NIT1: variants seen among roughly 807,000 people sequenced by gnomAD.
NIT1 encodes the protein deaminated glutathione amidase.
In NIT1, 30 loss-of-function variants were observed where a neutral mutation model predicts 36.8. The ratio of observed to expected loss-of-function variants is 0.82; its 90% CI spans 0.61 to 1.11. NIT1 has a LOEUF of 1.11. Among genes scored for constraint, NIT1 ranks in the 50% least tolerant of loss-of-function variants. The pLI, the probability that NIT1 is intolerant of heterozygous loss-of-function variation, is 0.00. For missense variants in NIT1, 438 were observed against 410.6 expected (o/e 1.07, Z -0.58); for synonymous variants, 151 against 155.6 (o/e 0.97, Z 0.22).
downstream of NIT1, chr1:161,122,157 G>A (rs1284448276): frequency 6.2e-7 from 1 of 1,613,212 alleles, no homozygotes; most frequent in East Asian, 2.2e-5. This position sits in a 1 kb window ranked among gnomAD's most constrained non-coding sequence, Gnocchi z 4.2. Context: ...TCAGGGCAAT[G>A]CTTGCAGCAT....
chr1:161,120,902 C>T lies in NIT1; in HGVS notation c.*137C>T, dbSNP rs1655421729. 6.9e-7 allele frequency: 1 copy of T among 1,439,178 alleles called. No homozygotes were observed. The highest frequency in any genetic ancestry group is 1.4e-5 in the African/African-American group (1 of 70,004). The allele number at this position is 1,439,178 out of a possible 1,614,324, so 89.2% of individuals were successfully genotyped here. ...GAACCTTGACTCTCTTGATGGAACACAGATGGGCTGCTTGGGAAAGAAACT... is the reference window on the plus strand; with the variant it reads ...GAACCTTGACTCTCTTGATGGAACATAGATGGGCTGCTTGGGAAAGAAACT... On this transcript the variant is annotated 3_prime_UTR_variant, in exon 7 of 7. Coordinates refer to ENST00000368009, the MANE Select transcript of NIT1 (RefSeq NM_005600.3).
downstream of NIT1, among the ~76,000 whole-genome samples, chr1:161,123,445 C>T (rs1655761623): frequency 6.6e-6 from 1 of 152,094 alleles, no homozygotes; most frequent in South Asian, 2.1e-4. Flanking sequence ...CGAGACCATC[C>T]TGGCTAACAC....
At chr1:161,123,690 A>C (rs1388948213), downstream of NIT1, 9 of 668,696 alleles carry the variant, frequency 1.3e-5, no homozygotes, top group Non-Finnish European at 2.0e-5. Flanking sequence ...GACCTAGGAG[A>C]AATGTCACCT....
At chr1:161,122,814 A>G (rs1024761861), downstream of NIT1, among the ~76,000 whole-genome samples, 3 of 152,204 alleles carry the variant, frequency 2.0e-5, no homozygotes, top group Admixed American at 6.5e-5. This position sits in a 1 kb window ranked among gnomAD's most constrained non-coding sequence, Gnocchi z 4.2. Context: ...GTTCATTTTA[A>G]TACTCGACTT....
downstream of NIT1, chr1:161,122,499 T>G (rs761020116): frequency 6.2e-7 from 1 of 1,614,034 alleles, no homozygotes; most frequent in East Asian, 2.2e-5. The surrounding 1 kb of genome is among the most constrained non-coding windows in gnomAD (Gnocchi z 4.2). Context: ...CTGGCAGTAT[T>G]CAGCCCGAAC....
downstream of NIT1, chr1:161,121,868 G>A (rs1022178020): frequency 1.0e-5 from 4 of 387,284 alleles, no homozygotes. Context: ...TGTAGACTTT[G>A]CTTCTTCCTA....
downstream of NIT1, chr1:161,124,178 G>A (rs775878319): frequency 9.3e-6 from 15 of 1,613,980 alleles, no homozygotes; most frequent in African/African-American, 5.3e-5. Context: ...GCAGCAGGTC[G>A]TGGCGAGTGA....
chr1:161,123,043 G>C (rs1398502039), downstream of NIT1: 2 of 1,614,168 alleles, frequency 1.2e-6, no homozygotes. Flanking sequence ...CTTCAAGTCT[G>C]CTCCATCTCT....
At position 161,118,598 on chromosome 1, in the gene NIT1, T is replaced by C. The variant is rs1012637413; in HGVS notation, c.3-188T>C. 1.4e-5 allele frequency: 22 copies of C among 1,535,544 alleles called. No individual in the cohort carries two copies. In the African/African-American group the frequency reaches 2.9e-4, roughly 20 times the overall value. On this transcript the variant is annotated intron_variant, in intron 1 of 6. Transcript: ENST00000368009. ...CTATTCAGGCGGCGAGCAGAGCCCC[T>C]TTCTCCATCTTCCCACTGTATGGTC...
chr1:161,122,024 TAAAAAA>T (rs34197267), downstream of NIT1: 37 of 1,068,446 alleles, frequency 3.5e-5, no homozygotes, highest in Non-Finnish European at 4.5e-5. This position sits in a 1 kb window ranked among gnomAD's most constrained non-coding sequence, Gnocchi z 4.2. Flanking sequence ...TCTTTTTCTT[TAAAAAA>T]AAAAAAAAAA....
chr1:161,121,240 G>A (rs1480250124), downstream of NIT1: 3 of 954,410 alleles, frequency 3.1e-6, no homozygotes, highest in Non-Finnish European at 3.8e-6. Context: ...GTGGGCGTAG[G>A]AGTGGAGGAG....
At position 161,120,984 on chromosome 1, in the gene NIT1, T is replaced by C. The variant is rs1161159761; in HGVS notation, c.*219T>C. Reference sequence around the variant, plus strand: ...AGTTTCAGAAAGGTGGAATTTTATATAGTCATTGTTTATTTCATGGAAACT... The same window carrying C: ...AGTTTCAGAAAGGTGGAATTTTATACAGTCATTGTTTATTTCATGGAAACT... On this transcript the variant is annotated 3_prime_UTR_variant, in exon 7 of 7. Transcript: ENST00000368009. 4.3e-6 allele frequency: 6 copies of C among 1,408,584 alleles called. No individual in the cohort carries two copies. The highest frequency in any genetic ancestry group is 4.6e-6 in the Non-Finnish European group (5 of 1,084,580). 87.3% of individuals were successfully genotyped at this position (1,408,584 alleles called of 1,614,324 possible).
rs1571197165 is a variant in NIT1 at position 161,118,639 on chromosome 1, T to C, written c.3-147T>C. 3 of 1,522,774 alleles carry C rather than the reference T, an allele frequency of 2.0e-6. No individual in the cohort carries two copies. In the East Asian group the frequency reaches 7.3e-5, roughly 37 times the overall value. 94.3% of individuals were successfully genotyped at this position (1,522,774 alleles called of 1,614,324 possible). ...CTGTATGGTCTTGTCCCTTAGCCTA[T>C]AATTTCTTATAAAGAGCGTTTTGAA... On this transcript the variant is annotated intron_variant, in intron 1 of 6. Coordinates refer to ENST00000368009, the MANE Select transcript of NIT1 (RefSeq NM_005600.3).
In NIT1 at chr1:161,119,405, G is replaced by T. The variant is rs1453961645; in HGVS notation, c.353+17G>T. The T allele has an allele frequency of 1.9e-6, 3 of 1,613,204 alleles. No homozygotes were observed. In the East Asian group the frequency reaches 6.7e-5, roughly 36 times the overall value. On this transcript the variant is annotated intron_variant, in intron 3 of 6. Transcript: ENST00000368009. ...GCTTGCCAGGTATCAGGGAAATAGCGAGGGAGAGGTAGAATCTTTGTTGGA... is the reference window on the plus strand; with the variant it reads ...GCTTGCCAGGTATCAGGGAAATAGCTAGGGAGAGGTAGAATCTTTGTTGGA...
In NIT1 at chr1:161,120,839, T is replaced by C. The variant is rs1023643703; in HGVS notation, c.*74T>C. The C allele has an allele frequency of 2.6e-6, 4 of 1,529,320 alleles. No individual in the cohort carries two copies. In the African/African-American group the frequency reaches 4.1e-5, roughly 16 times the overall value. The allele number at this position is 1,529,320 out of a possible 1,614,324, so 94.7% of individuals were successfully genotyped here. On this transcript the variant is annotated 3_prime_UTR_variant, in exon 7 of 7. Coordinates refer to ENST00000368009, the MANE Select transcript of NIT1 (RefSeq NM_005600.3). Reference sequence around the variant, plus strand: ...CACTATGAGCTAGTGCTCATGTGACTTGGAGGCAGGATCCAGGCACAGCTC... The same window carrying C: ...CACTATGAGCTAGTGCTCATGTGACCTGGAGGCAGGATCCAGGCACAGCTC...
At chr1:161,125,243 A>G (rs1557981354), downstream of NIT1, 4 of 152,232 alleles carry the variant, frequency 2.6e-5, no homozygotes, top group Non-Finnish European at 4.4e-5. Context: ...TAAGAATCCA[A>G]TGAGAAAATC....
At chr1:161,120,323 C>T in intron 6 of NIT1, 91 bp downstream of exon 6, 2 of 1,516,032 alleles carry the variant, frequency 1.3e-6, no homozygotes, top group East Asian at 2.3e-5. Flanking sequence ...CCCCTTTCCA[C>T]CTAATGGGAA....
chr1:161,118,877 C>G lies in NIT1; in HGVS notation c.94C>G (p.Pro32Ala), dbSNP rs1170833517. Residue 32 changes from proline (P) to alanine (A), a missense_variant, in exon 2 of 7, where the codon CCC (proline) becomes GCC (alanine). Physicochemically the swap from Pro to Ala is conservative, Grantham distance 27 (BLOSUM62 -1). Coordinates refer to ENST00000368009, the MANE Select transcript of NIT1 (RefSeq NM_005600.3). ...TCAACTCTCAGTACTTTGTGCTCAG[C>G]CCAGGTAACACGTTTTGTTGTGTCC... The part of the protein sequence containing the change: ...IPQLSVLCAQ[P>A]RPRAMAISSS... 1 of 1,611,384 alleles carries G rather than the reference C, an allele frequency of 6.2e-7. No individual in the cohort carries two copies. Among genetic ancestry groups the G allele is most frequent in the Non-Finnish European group, 8.5e-7 (1 of 1,177,616 alleles).
chr1:161,120,407 C>T, intron 6 of NIT1, 92 bp from the exon 7 acceptor site: 1 of 1,481,112 alleles, frequency 6.8e-7, no homozygotes, highest in Non-Finnish European at 9.3e-7. Flanking sequence ...CCAAAATAGT[C>T]ACAATGGGTA....
Sources: gnomAD v4.1 joint callset for allele counts (sites outside exome capture counted in the v4.1 genomes callset) on GRCh38, gnomAD v4.1.1 for gene constraint, Gnocchi (gnomAD v3.1) non-coding constraint, MANE v1.5 for transcripts, NCBI Gene and HGNC (gene_info 2026-07-23, HGNC 2026-07-21) for gene names.